Variants in CSE1L observed in about 807,000 individuals in gnomAD.
CSE1L encodes the protein exportin-2.
A neutral mutation model predicts 120.4 loss-of-function variants in CSE1L; 24 were observed. The observed-to-expected ratio is 0.20, with a 90% CI of 0.14 to 0.28. The LOEUF (loss-of-function observed/expected upper bound fraction) is 0.28. Ranked by LOEUF, CSE1L falls within the 10% of genes least tolerant of loss-of-function variation. CSE1L has a pLI of 1.00. For synonymous variants in CSE1L, 402 were observed against 398.3 expected, an observed-to-expected ratio of 1.01 and a Z score of -0.11; for missense variants, 830 against 1,145.2, an observed-to-expected ratio of 0.72 and a Z score of 3.97.
chr20:49,076,957 T>C (rs2123721281), intron 12 of CSE1L, 23 bp from the exon 13 acceptor site: 1 of 1,498,306 alleles, frequency 6.7e-7, no homozygotes, highest in Non-Finnish European at 9.1e-7. Flanking sequence ...GTTATTTTAC[T>C]ATGTTATGAA....
chr20:49,096,213 G>A, intron 24 of CSE1L, 136 bp from the exon 25 acceptor site: 1 of 743,292 alleles, frequency 1.3e-6, no homozygotes, highest in Non-Finnish European at 2.4e-6. Flanking sequence ...TGAGTTTCTG[G>A]AGAATTTTTG....
intron 19 of CSE1L, 24 bp from the exon 20 acceptor site, chr20:49,090,718 C>T (rs978088624): frequency 7.6e-6 from 12 of 1,578,298 alleles, no homozygotes; most frequent in Non-Finnish European, 1.0e-5. Context: ...TAACCATTTT[C>T]TGTTGGATCT....
At chr20:49,051,720 C>T (rs1390990981) in intron 1 of CSE1L, among the ~76,000 whole-genome samples, 1 of 152,198 alleles carries the variant, frequency 6.6e-6, no homozygotes, top group Non-Finnish European at 1.5e-5. Context: ...TTTTCAGAGA[C>T]AGAGTCTTAC....
intron 14 of CSE1L, among the ~76,000 whole-genome samples, chr20:49,081,788 T>C (rs1438544972): frequency 6.6e-6 from 1 of 152,224 alleles, no homozygotes; most frequent in African/African-American, 2.4e-5. Context: ...TCTTATTTCT[T>C]TGATGTCTTT....
intron 14 of CSE1L, 81 bp downstream of exon 14, chr20:49,078,703 G>T: frequency 1.2e-6 from 1 of 857,282 alleles, no homozygotes; most frequent in Non-Finnish European, 1.8e-6. Flanking sequence ...CTACTGTGCA[G>T]TCATTTTATA....
rs371699507 is a variant in CSE1L, at chr20:49,068,844, C to A, written c.675+22C>A. 23 of 1,452,828 alleles carry A rather than the reference C, an allele frequency of 1.6e-5. No homozygotes were observed. In the East Asian group the frequency reaches 4.1e-4, roughly 26 times the overall value. 90.0% of individuals were successfully genotyped at this position (1,452,828 alleles called of 1,614,324 possible). A position where few individuals can be genotyped will look rare whatever the true frequency, so the allele number is the denominator to read the frequency against. On this transcript the variant is annotated intron_variant, in intron 7 of 24. Transcript: ENST00000262982. ...TCAGGTAAGTTCATTTGATTTCTTG[C>A]TTTTGGTTCTTACTCTTTGATTTTA...
intron 2 of CSE1L, among the ~76,000 whole-genome samples, chr20:49,061,972 T>C (rs1390320504): frequency 2.6e-5 from 4 of 152,006 alleles, no homozygotes; most frequent in Non-Finnish European, 2.9e-5. Flanking sequence ...ACTCCTTGAG[T>C]GCGCAGAAAC....
At chr20:49,070,921 GACAGAGGGAGAC>G (rs1469840081) in intron 8 of CSE1L, among the ~76,000 whole-genome samples, 1 of 152,204 alleles carries the variant, frequency 6.6e-6, no homozygotes, top group Non-Finnish European at 1.5e-5. Context: ...CAGCCTGGGA[GACAGAGGGAGAC>G]CTCGTCTCAG....
chr20:49,075,313 C>A lies in CSE1L; in HGVS notation c.1133-5C>A. ...CCCATAATATATTTTCTTTTCATTTCATAGATATTGATACTAGACGCAGGG... is the reference window on the plus strand; with the variant it reads ...CCCATAATATATTTTCTTTTCATTTAATAGATATTGATACTAGACGCAGGG... On this transcript the variant is annotated splice_polypyrimidine_tract_variant and splice_region_variant and intron_variant, in intron 11 of 24. Transcript: ENST00000262982. 6.2e-7 allele frequency: 1 copy of A among 1,607,010 alleles called. No homozygotes were observed.
At position 49,090,751 on chromosome 20, in the gene CSE1L, C is replaced by T. The variant is rs967378587; in HGVS notation, c.2191C>T (p.Leu731=). ...SAAADKIPGL[L]GVFQKLIASK... ...TCTCATTTCTTAACAGCCTGGGTTA[C>T]TAGGTGTCTTTCAGAAGCTGATTGC... The change falls in exon 20 of 25, where the codon CTA becomes TTA. Residue 731 remains leucine (L), a synonymous_variant. Transcript: ENST00000262982. The T allele has an allele frequency of 1.2e-5, 19 of 1,613,624 alleles. No individual in the cohort carries two copies. The highest frequency in any genetic ancestry group is 3.3e-5 in the South Asian group (3 of 91,062).
intron 10 of CSE1L, among the ~76,000 whole-genome samples, chr20:49,073,968 A>G (rs1225543094): frequency 1.3e-5 from 2 of 152,078 alleles, no homozygotes; most frequent in African/African-American, 2.4e-5. Context: ...TAATCCCAAC[A>G]CTTTGGGAGG....
intron 14 of CSE1L, among the ~76,000 whole-genome samples, chr20:49,079,517 T>C (rs1169734442): frequency 6.6e-6 from 1 of 151,984 alleles, no homozygotes; most frequent in African/African-American, 2.4e-5. Context: ...TGTGAGCCAC[T>C]GCACCTGGCC....
chr20:49,076,572 C>CAGGCTGGA (rs2091970439), intron 12 of CSE1L, among the ~76,000 whole-genome samples: 1 of 134,986 alleles, frequency 7.4e-6, no homozygotes, highest in Non-Finnish European at 1.5e-5. Context: ...CTCTGTCATC[C>CAGGCTGGA]AGGCTGGAAT....
chr20:49,053,876 G>A (rs1355728221), intron 1 of CSE1L, among the ~76,000 whole-genome samples: 2 of 152,038 alleles, frequency 1.3e-5, no homozygotes, highest in Non-Finnish European at 2.9e-5. Context: ...TTTTAGTAGA[G>A]ATGGGGTTTT....
At chr20:49,082,816 T>A (rs996305553) in intron 14 of CSE1L, among the ~76,000 whole-genome samples, 4 of 151,754 alleles carry the variant, frequency 2.6e-5, no homozygotes, top group African/African-American at 4.8e-5. Context: ...CCACCGTGCC[T>A]GGCCTTTTCT....
At chr20:49,076,950 AT>A in intron 12 of CSE1L, 29 bp from the exon 13 acceptor site, 1 of 1,452,930 alleles carries the variant, frequency 6.9e-7, no homozygotes, top group Non-Finnish European at 9.5e-7. Context: ...GTATTTTGTT[AT>A]TTTACTATGT....
At chr20:49,054,655 A>G (rs1488772350) in intron 1 of CSE1L, among the ~76,000 whole-genome samples, 1 of 152,238 alleles carries the variant, frequency 6.6e-6, no homozygotes, top group Non-Finnish European at 1.5e-5. Context: ...CCTGGTTCAT[A>G]CATGTGACAC....
intron 2 of CSE1L, among the ~76,000 whole-genome samples, chr20:49,062,557 G>A (rs2091860578): frequency 6.6e-6 from 1 of 151,652 alleles, no homozygotes; most frequent in South Asian, 2.1e-4. Flanking sequence ...TTTTTAGTTC[G>A]ACAAGAAAGC....
chr20:49,066,047 G>C, intron 3 of CSE1L, 145 bp from the exon 4 acceptor site: 1 of 666,928 alleles, frequency 1.5e-6, no homozygotes, highest in Non-Finnish European at 2.6e-6. Flanking sequence ...CATTCATGTA[G>C]AGGGAAACTG....
Sources: gnomAD v4.1 joint callset for allele counts (sites outside exome capture counted in the v4.1 genomes callset) on GRCh38, gnomAD v4.1.1 for gene constraint, MANE v1.5 for transcripts, NCBI Gene and HGNC (gene_info 2026-07-23, HGNC 2026-07-21) for gene names.